The following LINGO1 variants were observed in gnomAD, a reference collection of about 807,000 sequenced individuals.
LINGO1 encodes leucine rich repeat and Ig domain containing 1, also known as leucine-rich repeat and immunoglobulin-like domain-containing nogo receptor-interacting protein 1.
LINGO1 carries 11 observed loss-of-function variants against 37.3 expected under a neutral mutation model. That is an observed-to-expected ratio of 0.29 (90% CI 0.19 to 0.49). LINGO1 has a LOEUF of 0.49. LINGO1 is among the 20% of genes least tolerant of loss of function. The pLI, the probability that LINGO1 is intolerant of heterozygous loss-of-function variation, is 0.99. For missense variants in LINGO1, 585 were observed against 878.2 expected (o/e 0.67, Z 4.22); for synonymous variants, 387 against 403.0 (o/e 0.96, Z 0.48).
chr15:77,764,044 G>T lies in LINGO1; in HGVS notation c.-257+22825C>A, dbSNP rs2076503427. ...GTTCTCCAAAGGAGAACAAAGAAAG[G>T]GGCCTTTTAGGAGGGTGTCAAGGAT... is the stretch of plus-strand genomic sequence containing the variant. On this transcript the variant is annotated intron_variant, in intron 1 of 3. Coordinates refer to the LINGO1 transcript ENST00000561686. Among the ~76,000 whole-genome samples, 3 of 152,308 alleles carry T rather than the reference G, an allele frequency of 2.0e-5. No homozygotes were observed. In the South Asian group the frequency reaches 6.2e-4, roughly 32 times the overall value.
chr15:77,624,801 C>T (rs929070858), intron 1 of LINGO1, among the ~76,000 whole-genome samples: 1 of 152,154 alleles, frequency 6.6e-6, no homozygotes, highest in Non-Finnish European at 1.5e-5. Flanking sequence ...TGGATGGGAG[C>T]TGTCCCAGAG....
rs937326075 is a variant in LINGO1 at position 77,615,259 on chromosome 15, G to C, written c.648C>G (p.Gly216=). Reference sequence around the variant, plus strand: ...GGTGCCGGAGCCTCAGGACGATGAGGCCGTGCAGGTGGGACAGCGCCTCGG... The same window carrying C: ...GGTGCCGGAGCCTCAGGACGATGAGCCCGTGCAGGTGGGACAGCGCCTCGG... ...IPTEALSHLH[G]LIVLRLRHLN... Residue 216 remains glycine (G), a synonymous_variant, in exon 2 of 2, where the codon GGC becomes GGG. Coordinates refer to ENST00000355300, the MANE Select transcript of LINGO1 (RefSeq NM_032808.7). 6.2e-7 allele frequency: 1 copy of C among 1,613,846 alleles called. No homozygotes were observed. The highest frequency in any genetic ancestry group is 8.5e-7 in the Non-Finnish European group (1 of 1,179,890).
At chr15:77,745,148 CT>C (rs2076301549) in intron 1 of LINGO1, among the ~76,000 whole-genome samples, 1 of 143,422 alleles carries the variant, frequency 7.0e-6, no homozygotes, top group Non-Finnish European at 1.5e-5. Context: ...AAAAAAAAGG[CT>C]GGGCACGGTG....
At chr15:77,669,326 T>A (rs1000535712) in intron 3 of LINGO1, among the ~76,000 whole-genome samples, 4 of 152,082 alleles carry the variant, frequency 2.6e-5, no homozygotes, top group African/African-American at 9.7e-5. Flanking sequence ...AAGTCCCCCA[T>A]CCCTTTGCCT....
In LINGO1 at chr15:77,658,861, G is replaced by A. The variant is rs928016414; in HGVS notation, c.-13+18228C>T. ...ACTGAGCGAGGACGGAGTGGGAGAG[G>A]AGCAGGGGAAAGGGAGGCAGGCAGA... is the stretch of plus-strand genomic sequence containing the variant. On this transcript the variant is annotated intron_variant, in intron 3 of 3. Coordinates refer to the LINGO1 transcript ENST00000559893. Among the ~76,000 whole-genome samples the A allele has an allele frequency of 4.6e-5, 7 of 152,362 alleles. No homozygotes were observed. The South Asian group carries it at 8.3e-4, about 18-fold the overall frequency.
chr15:77,620,188 A>G (rs562521417), intron 1 of LINGO1, among the ~76,000 whole-genome samples: 1 of 151,854 alleles, frequency 6.6e-6, no homozygotes, highest in East Asian at 1.9e-4. Context: ...TCAGTGTTTT[A>G]TTTTGGATCC....
At chr15:77,785,716 G>A (rs2076764639) in intron 1 of LINGO1, among the ~76,000 whole-genome samples, 1 of 151,988 alleles carries the variant, frequency 6.6e-6, no homozygotes, top group African/African-American at 2.4e-5. Flanking sequence ...CGTGCTCTCT[G>A]TCACTCTCTC....
intron 1 of LINGO1, among the ~76,000 whole-genome samples, chr15:77,763,992 C>T (rs1024879931): frequency 6.6e-6 from 1 of 152,226 alleles, no homozygotes; most frequent in Non-Finnish European, 1.5e-5. Context: ...GAATCAAAGT[C>T]ACCTGTGACC....
chr15:77,745,390 C>T (rs1282339895), intron 1 of LINGO1, among the ~76,000 whole-genome samples: 11 of 150,582 alleles, frequency 7.3e-5, no homozygotes, highest in East Asian at 2.0e-4. Context: ...CTGGCCACTG[C>T]ACTCCAGCTG....
chr15:77,697,918 G>A (rs2075717554), upstream of LINGO1, among the ~76,000 whole-genome samples: 1 of 152,214 alleles, frequency 6.6e-6, no homozygotes, highest in Non-Finnish European at 1.5e-5. Context: ...TTCAGGCAGG[G>A]CCTAGTAGGC....
chr15:77,699,935 C>G (rs2075761330), upstream of LINGO1, among the ~76,000 whole-genome samples: 1 of 152,170 alleles, frequency 6.6e-6, no homozygotes, highest in African/African-American at 2.4e-5. Context: ...CCCATTGGAC[C>G]CAGTAGGGAA....
chr15:77,779,473 G>C (rs1328289146), intron 1 of LINGO1, among the ~76,000 whole-genome samples: 1 of 152,038 alleles, frequency 6.6e-6, no homozygotes, highest in African/African-American at 2.4e-5. Context: ...TGGGAGCTTT[G>C]AGCTTTTTTT....
At chr15:77,750,189 C>T (rs1168289385) in intron 1 of LINGO1, among the ~76,000 whole-genome samples, 1 of 152,050 alleles carries the variant, frequency 6.6e-6, no homozygotes, top group African/African-American at 2.4e-5. Context: ...TCAGTATCCA[C>T]CCCTGAGCTG....
At chr15:77,622,975 G>A (rs1248582702) in intron 1 of LINGO1, among the ~76,000 whole-genome samples, 1 of 152,168 alleles carries the variant, frequency 6.6e-6, no homozygotes, top group African/African-American at 2.4e-5. Flanking sequence ...CACTTCTGCG[G>A]CCTCCTCTCC....
chr15:77,637,094 G>C (rs1429807135), upstream of LINGO1, among the ~76,000 whole-genome samples: 1 of 152,190 alleles, frequency 6.6e-6, no homozygotes, highest in Non-Finnish European at 1.5e-5. This position sits in a 1 kb window ranked among gnomAD's most constrained non-coding sequence, Gnocchi z 4.6. Context: ...GGTCAGGCCT[G>C]AGTATCTTAA....
Position 77,765,094 on chromosome 15 carries a change from T to C in LINGO1, c.-257+21775A>G, listed in dbSNP as rs149903692. On this transcript the variant is annotated intron_variant, in intron 1 of 3. Transcript: ENST00000561686. ...ATGGTTTTGAAAGTTGGAGAGCAGATGGATGAACGGTGATTTGTCTGGCAG... is the reference window on the plus strand; with the variant it reads ...ATGGTTTTGAAAGTTGGAGAGCAGACGGATGAACGGTGATTTGTCTGGCAG... Among the ~76,000 whole-genome samples the C allele has an allele frequency of 4.4e-3, 665 of 152,214 alleles. 1 individual carries two copies. The highest frequency in any genetic ancestry group is 6.8e-3 in the Non-Finnish European group (460 of 68,012).
chr15:77,623,254 T>C (rs1425396024), intron 1 of LINGO1, among the ~76,000 whole-genome samples: 1 of 152,090 alleles, frequency 6.6e-6, no homozygotes, highest in African/African-American at 2.4e-5. Context: ...GGGGAGGGCA[T>C]TTCCACAAAG....
At chr15:77,695,746 G>A (rs916470198) in intron 1 of LINGO1, among the ~76,000 whole-genome samples, 4 of 152,344 alleles carry the variant, frequency 2.6e-5, no homozygotes, top group Non-Finnish European at 4.4e-5. Context: ...CCACCATGCC[G>A]GCCGATCTGT....
intron 2 of LINGO1, among the ~76,000 whole-genome samples, chr15:77,713,315 T>A (rs1179059281): frequency 6.7e-6 from 1 of 150,358 alleles, no homozygotes; most frequent in African/African-American, 2.4e-5. Context: ...TGAGCTCAAG[T>A]ACTCTGCCTG....
Sources: allele counts gnomAD v4.1 joint callset (sites outside exome capture counted in the v4.1 genomes callset), GRCh38; gene constraint gnomAD v4.1.1; non-coding constraint Gnocchi (gnomAD v3.1); transcripts MANE v1.5; gene names NCBI Gene and HGNC (gene_info 2026-07-23, HGNC 2026-07-21).